The following AHNAK2 variants were observed in gnomAD, a reference collection of about 807,000 sequenced individuals.
AHNAK2 encodes the protein protein AHNAK2.
Under a neutral mutation model 30.7 loss-of-function variants are expected in AHNAK2, and 18 were observed. The ratio of observed to expected loss-of-function variants is 0.59; its 90% CI spans 0.41 to 0.87. The LOEUF (loss-of-function observed/expected upper bound fraction) is 0.87, where lower values mean the gene tolerates loss of function less well. Ranked by LOEUF, AHNAK2 falls within the 40% of genes least tolerant of loss-of-function variation. The pLI is 0.00. For synonymous variants in AHNAK2, 3,590 were observed against 3,073.8 expected, an observed-to-expected ratio of 1.17 and a Z score of -5.56; for missense variants, 8,604 against 7,373.0, an observed-to-expected ratio of 1.17 and a Z score of -6.11.
chr14:104,951,906 A>T lies in AHNAK2; in HGVS notation c.3545T>A (p.Ile1182Asn). The T allele has an allele frequency of 4.3e-6, 7 of 1,609,704 alleles. No homozygotes were observed. The highest frequency in any genetic ancestry group is 5.9e-6 in the Non-Finnish European group (7 of 1,178,404). The change falls in exon 7 of 7, where the codon ATC becomes AAC. Residue 1182 changes from isoleucine (I) to asparagine (N), a missense_variant. Physicochemically the swap from Ile to Asn is moderately radical, Grantham distance 149. Coordinates refer to ENST00000333244, the MANE Select transcript of AHNAK2 (RefSeq NM_138420.4). ...SFGASAPGKS[I>N]EASVDVSAPK... Reference sequence around the variant, plus strand: ...TGCAGACACATCCACCGAGGCCTCGATGGACTTGCCTGGGGCTGACGCCCC... The same window carrying T: ...TGCAGACACATCCACCGAGGCCTCGTTGGACTTGCCTGGGGCTGACGCCCC...
rs1898863687 is a variant in AHNAK2 at position 104,953,410 on chromosome 14, T to C, written c.2041A>G (p.Lys681Glu). The C allele has an allele frequency of 6.2e-7, 1 of 1,614,080 alleles. No homozygotes were observed. The highest frequency in any genetic ancestry group is 8.5e-7 in the Non-Finnish European group (1 of 1,179,904). ...GCTGACGCCCCGAACAATGGCATCTTGAACTTGGGCATTTTGAACTTGCTG... is the reference window on the plus strand; with the variant it reads ...GCTGACGCCCCGAACAATGGCATCTCGAACTTGGGCATTTTGAACTTGCTG... ...KDSKFKMPKF[K>E]MPLFGASAPG... The change falls in exon 7 of 7, where the codon AAG (lysine) becomes GAG (glutamate). Residue 681 changes from lysine (K) to glutamate (E), a missense_variant. Physicochemically the swap from Lys to Glu is moderately conservative, Grantham distance 56. Coordinates refer to ENST00000333244, the MANE Select transcript of AHNAK2 (RefSeq NM_138420.4).
chr14:104,963,828 T>TAAAAAAAAAA (rs1207815621), intron 1 of AHNAK2, among the ~76,000 whole-genome samples: 1 of 108,316 alleles, frequency 9.2e-6, no homozygotes. Context: ...AGACTCCGTC[T>TAAAAAAAAAA]AAAAAAAAAA....
rs1366155931 is a variant in AHNAK2 at position 104,944,771 on chromosome 14, C to A, written c.10680G>T (p.Glu3560Asp). 1.2e-6 allele frequency: 2 copies of A among 1,612,480 alleles called. No homozygotes were observed. The highest frequency in any genetic ancestry group is 1.3e-5 in the African/African-American group (1 of 74,828). Residue 3560 changes from glutamate to aspartate, a missense_variant, in exon 7 of 7, where the codon GAG becomes GAT. By Grantham distance (45) the Glu-to-Asp change is conservative. Transcript: ENST00000333244. ...CTTTGGGCGTCTTTAAACTGGGCAT[C>A]TCCACTTTGGGCAGGTGCCCTTTGA... is the stretch of plus-strand genomic sequence containing the variant. ...AGLKGHLPKV[E>D]MPSLKTPKVD...
In AHNAK2 at chr14:104,966,019, C is replaced by G. The variant is rs1285897175; in HGVS notation, c.56-8347G>C. ...GCGCGGGCCCCTGCCACTCCCTCAC[C>G]GCTTCACGGGCCTTTCCTTGCCCTT... On this transcript the variant is annotated intron_variant, in intron 1 of 6. Coordinates refer to ENST00000333244, the MANE Select transcript of AHNAK2 (RefSeq NM_138420.4). This position sits in a 1 kb window ranked among gnomAD's most constrained non-coding sequence, Gnocchi z 4.3. 6.6e-6 allele frequency among the ~76,000 whole-genome samples: 1 copy of G among 152,196 alleles called. No homozygotes were observed. Among genetic ancestry groups the G allele is most frequent in the East Asian group, 1.9e-4 (1 of 5,190 alleles).
chr14:104,947,135 C>A lies in AHNAK2; in HGVS notation c.8316G>T (p.Val2772=), dbSNP rs1242344768. The A allele has an allele frequency of 3.7e-6, 6 of 1,611,880 alleles. No individual in the cohort carries two copies. Among genetic ancestry groups the A allele is most frequent in the Non-Finnish European group, 3.4e-6 (4 of 1,179,488 alleles). ...GPKAEVTAPD[V]KMSLSSMEVD... ...CCTCCATGCTGGACAGAGACATCTTCACATCGGGGGCTGTCACTTCCGCCT... is the reference window on the plus strand; with the variant it reads ...CCTCCATGCTGGACAGAGACATCTTAACATCGGGGGCTGTCACTTCCGCCT... Residue 2772 remains valine (V), a synonymous_variant, in exon 7 of 7, where the codon GTG becomes GTT. Transcript: ENST00000333244.
At chr14:104,963,582 A>G (rs368586598) in intron 1 of AHNAK2, among the ~76,000 whole-genome samples, 1 of 152,238 alleles carries the variant, frequency 6.6e-6, no homozygotes, top group South Asian at 2.1e-4. Context: ...TGTAATCCCA[A>G]CACTTTGGGA....
At chr14:104,963,773 T>A (rs940723366) in intron 1 of AHNAK2, among the ~76,000 whole-genome samples, 14 of 145,508 alleles carry the variant, frequency 9.6e-5, no homozygotes, top group African/African-American at 3.4e-4. Flanking sequence ...GAGCTTGCAG[T>A]GAGCTGAGAT....
rs2140865636 is a variant in AHNAK2 at position 104,953,796 on chromosome 14, T to C, written c.1655A>G (p.Asp552Gly). 6.2e-7 allele frequency: 1 copy of C among 1,613,908 alleles called. No homozygotes were observed. Among genetic ancestry groups the C allele is most frequent in the South Asian group, 1.1e-5 (1 of 91,082 alleles). ...EPTTHAEAQGDEGDGEEGLQR... is the reference protein window; with the variant it reads ...EPTTHAEAQGGEGDGEEGLQR... ...TAGTCCTTCCTCTCCATCTCCTTCA[T>C]CCCCCTGTGCTTCTGCATGTGTGGT... Residue 552 changes from aspartate to glycine, a missense_variant, in exon 7 of 7, where the codon GAT (aspartate) becomes GGT (glycine). Physicochemically the swap from Asp to Gly is moderately conservative, Grantham distance 94. Coordinates refer to ENST00000333244, the MANE Select transcript of AHNAK2 (RefSeq NM_138420.4).
Position 104,944,496 on chromosome 14 carries a change from G to C in AHNAK2, c.10955C>G (p.Ala3652Gly), listed in dbSNP as rs570703695. Residue 3652 changes from alanine (A) to glycine (G), a missense_variant, in exon 7 of 7, where the codon GCC (alanine) becomes GGC (glycine). Coordinates refer to ENST00000333244, the MANE Select transcript of AHNAK2 (RefSeq NM_138420.4). ...KFKMPSFRVS[A>G]PGKSMEASVD... ...CGAGGCCTCCATGGACTTCCCTGGG[G>C]CCGATACCCTGAATGACGGCATCTT... is the stretch of plus-strand genomic sequence containing the variant. 14 of 1,613,066 alleles carry C rather than the reference G, an allele frequency of 8.7e-6. No homozygotes were observed. The highest frequency in any genetic ancestry group is 1.2e-5 in the Non-Finnish European group (14 of 1,179,602).
chr14:104,938,475 T>A lies in AHNAK2; in HGVS notation c.16976A>T (p.Asp5659Val). ...LPNIGFSSSV[D>V]ETGVDSKNDV... is the part of the protein sequence containing the mutation. ...ATTTTTGGAATCAACACCTGTCTCA[T>A]CAACAGAAGAGGAAAACCCAATGTT... The change falls in exon 7 of 7, where the codon GAT becomes GTT. Residue 5659 changes from aspartate to valine, a missense_variant. Physicochemically the swap from Asp to Val is radical, Grantham distance 152 (BLOSUM62 -3). Coordinates refer to ENST00000333244, the MANE Select transcript of AHNAK2 (RefSeq NM_138420.4). 6.2e-7 allele frequency: 1 copy of A among 1,613,882 alleles called. No homozygotes were observed. The highest frequency in any genetic ancestry group is 8.5e-7 in the Non-Finnish European group (1 of 1,179,862).
rs377297246 is a variant in AHNAK2 at position 104,954,109 on chromosome 14, G to A, written c.1342C>T (p.Arg448Trp). Residue 448 changes from arginine (R) to tryptophan (W), a missense_variant, in exon 7 of 7, where the codon CGG becomes TGG. Coordinates refer to ENST00000333244, the MANE Select transcript of AHNAK2 (RefSeq NM_138420.4). The surrounding 1 kb of genome is among the most constrained non-coding windows in gnomAD (Gnocchi z 4.3). ...TGCAGTCCCTCGCCTTCACCCTCCC[G>A]GCTCATTCCAGGAGTTGGCTGGGCC... ...PRAQPTPGMS[R>W]EGEGEGLQSL... 3.0e-4 allele frequency: 477 copies of A among 1,612,102 alleles called. No homozygotes were observed. The highest frequency in any genetic ancestry group is 3.9e-4 in the Non-Finnish European group (463 of 1,179,850).
At chr14:104,974,846 G>C (rs997976874) in intron 1 of AHNAK2, among the ~76,000 whole-genome samples, 1 of 152,208 alleles carries the variant, frequency 6.6e-6, no homozygotes, top group East Asian at 1.9e-4. Context: ...GGGTGGCAGG[G>C]ACCCCCAGAT....
At position 104,938,246 on chromosome 14, in the gene AHNAK2, A is replaced by T; in HGVS notation, c.17205T>A (p.Asp5735Glu). 1.2e-6 allele frequency: 2 copies of T among 1,613,860 alleles called. No individual in the cohort carries two copies. The highest frequency in any genetic ancestry group is 1.7e-6 in the Non-Finnish European group (2 of 1,179,866). Residue 5735 changes from aspartate to glutamate, a missense_variant, in exon 7 of 7, where the codon GAT (aspartate) becomes GAA (glutamate). By Grantham distance (45) the Asp-to-Glu change is conservative. Transcript: ENST00000333244. ...KLQEETITFF[D>E]ARESFSPEEK... The stretch of plus-strand genomic sequence containing the variant: ...CTTCAGGGGAGAAACTTTCTCGGGC[A>T]TCAAAAAACGTGATTGTTTCTTCTT...
chr14:104,970,857 C>T (rs993618334), intron 1 of AHNAK2, among the ~76,000 whole-genome samples: 1 of 152,196 alleles, frequency 6.6e-6, no homozygotes, highest in African/African-American at 2.4e-5. Context: ...CCCTCCTAGG[C>T]AGGCTCTGCA....
At position 104,944,449 on chromosome 14, in the gene AHNAK2, C is replaced by T. The variant is rs768505847; in HGVS notation, c.11002G>A (p.Val3668Met). The T allele has an allele frequency of 6.2e-7, 1 of 1,613,132 alleles. No individual in the cohort carries two copies. The highest frequency in any genetic ancestry group is 1.1e-5 in the South Asian group (1 of 91,032). ...GAGGGGAGACTCACATCGGCTTCCA[C>T]CTTGGGTGCAGACACATCCACCGAG... The part of the protein sequence containing the change: ...EASVDVSAPK[V>M]EADVSLPSMQ... Residue 3668 changes from valine (V) to methionine (M), a missense_variant, in exon 7 of 7, where the codon GTG becomes ATG. Val to Met is a conservative substitution (Grantham distance 21). Transcript: ENST00000333244.
rs1052215012 is a variant in AHNAK2 at position 104,938,884 on chromosome 14, C to T, written c.16567G>A (p.Val5523Met). 6.2e-7 allele frequency: 1 copy of T among 1,613,668 alleles called. No individual in the cohort carries two copies. Among genetic ancestry groups the T allele is most frequent in the African/African-American group, 1.3e-5 (1 of 74,912 alleles). ...TGCGTGTGGGGCTCTGGGATTTTCA[C>T]TTTTAATAAGGAAAATCCGTACGAA... is the stretch of plus-strand genomic sequence containing the variant. The part of the protein sequence containing the change: ...TPSYGFSLLK[V>M]KIPEPHTQAR... The change falls in exon 7 of 7, where the codon GTG becomes ATG. Residue 5523 changes from valine (V) to methionine (M), a missense_variant. Val to Met is a conservative substitution (Grantham distance 21). Coordinates refer to ENST00000333244, the MANE Select transcript of AHNAK2 (RefSeq NM_138420.4).
chr14:104,963,458 A>C (rs1462075629), intron 1 of AHNAK2, among the ~76,000 whole-genome samples: 1 of 152,262 alleles, frequency 6.6e-6, no homozygotes, highest in African/African-American at 2.4e-5. Context: ...TAGAAAATAA[A>C]TAGAAATTAC....
At chr14:104,978,156 G>A (rs1899644745) in intron 1 of AHNAK2, 27 bp downstream of exon 1, 2 of 1,209,666 alleles carry the variant, frequency 1.7e-6, no homozygotes, top group South Asian at 4.1e-5. Flanking sequence ...CCCCAGGGGA[G>A]CGGGCTGCAG....
rs1247251571 is a variant in AHNAK2, at chr14:104,950,480, C to T, written c.4971G>A (p.Lys1657=). 2.5e-6 allele frequency: 4 copies of T among 1,586,972 alleles called. No homozygotes were observed. Among genetic ancestry groups the T allele is most frequent in the South Asian group, 1.1e-5 (1 of 89,674 alleles). ...GCATCTTGAACTTGGGCATTTTGAACTTGCTGTCTTTGGCAGTCACCGCCT... is the reference window on the plus strand; with the variant it reads ...GCATCTTGAACTTGGGCATTTTGAATTTGCTGTCTTTGGCAGTCACCGCCT... The part of the protein sequence containing the change: ...ADKAVTAKDS[K]FKMPKFKMPS... Residue 1657 remains lysine, a synonymous_variant, in exon 7 of 7, where the codon AAG becomes AAA. Transcript: ENST00000333244.
Sources: allele counts gnomAD v4.1 joint callset (sites outside exome capture counted in the v4.1 genomes callset), GRCh38; gene constraint gnomAD v4.1.1; non-coding constraint Gnocchi (gnomAD v3.1); transcripts MANE v1.5; gene names NCBI Gene and HGNC (gene_info 2026-07-23, HGNC 2026-07-21).